Variants in C4orf50 observed in about 807,000 individuals in gnomAD.
C4orf50 encodes the protein uncharacterized protein C4orf50.
A neutral mutation model predicts 77.2 loss-of-function variants in C4orf50; 80 were observed. The ratio of observed to expected loss-of-function variants is 1.04; its 90% confidence interval spans 0.87 to 1.25. The LOEUF (loss-of-function observed/expected upper bound fraction) is 1.25. C4orf50 is among the 50% of genes most tolerant of loss of function. C4orf50 has a pLI of 0.00. For synonymous variants in C4orf50, 532 were observed against 465.3 expected (o/e 1.14, Z -1.84); for missense variants, 1,257 against 1,152.9 (o/e 1.09, Z -1.31).
intron 23 of C4orf50, among the ~76,000 whole-genome samples, chr4:6,016,871 A>T (rs1284807831): frequency 6.6e-6 from 1 of 152,240 alleles, no homozygotes; most frequent in Non-Finnish European, 1.5e-5. Flanking sequence ...TTACTAAATC[A>T]AAGGCAAGTA....
chr4:6,003,098 C>T (rs1049470999), intron 25 of C4orf50, among the ~76,000 whole-genome samples: 2 of 152,180 alleles, frequency 1.3e-5, no homozygotes, highest in Non-Finnish European at 2.9e-5. Flanking sequence ...TTGGCCCAGA[C>T]AGCCGTCCCC....
chr4:5,979,071 G>A (rs1177460953), intron 29 of C4orf50, among the ~76,000 whole-genome samples: 2 of 152,262 alleles, frequency 1.3e-5, no homozygotes, highest in East Asian at 3.9e-4. Context: ...AACGAGTTAT[G>A]GGCAAATGAG....
At chr4:5,959,596 G>C (rs759039239) in exon 34 of C4orf50, 56 of 1,614,012 alleles carry the variant, frequency 3.5e-5, no homozygotes, top group Non-Finnish European at 4.3e-5. Context: ...CACGTTCCAG[G>C]ATCAAGCGTG....
At position 5,912,414 on chromosome 4, in the gene C4orf50, G is replaced by A. The variant is rs181229732; in HGVS notation, c.*2475-14226C>T. Among the ~76,000 whole-genome samples, 732 of 152,282 alleles carry A rather than the reference G, an allele frequency of 4.8e-3. 5 individuals carry two copies. Among genetic ancestry groups the A allele is most frequent in the South Asian group, 0.035 (170 of 4,812 alleles). ...GAATGAGGAAAATATTTTTATAACT[G>A]CAGCAGATAGGCCTTTATGAAGAAA... On this transcript the variant is annotated intron_variant, in intron 7 of 7. Transcript: ENST00000324058.
In C4orf50 at chr4:5,900,588, A is replaced by G. The variant is rs1716303066; in HGVS notation, c.*2475-2400T>C. 1 of 152,240 alleles carries G rather than the reference A, an allele frequency of 6.6e-6. No individual in the cohort carries two copies. Among genetic ancestry groups the G allele is most frequent in the East Asian group, 1.9e-4 (1 of 5,198 alleles). 9.4% of individuals were successfully genotyped at this position (152,240 alleles called of 1,614,324 possible). A position where few individuals can be genotyped will look rare whatever the true frequency, so the allele number is the denominator to read the frequency against. On this transcript the variant is annotated intron_variant, in intron 7 of 7. Transcript: ENST00000324058. The surrounding 1 kb of genome is among the most constrained non-coding windows in gnomAD (Gnocchi z 4.3). ...TAGATTGCAACCCAGTAGAAAACTA[A>G]TTGCATCAGACCAAGACCTAAAATT...
In C4orf50 at chr4:6,017,348, A is replaced by G. The variant is rs1722719451; in HGVS notation, c.287+797T>C. On this transcript the variant is annotated intron_variant, in intron 23 of 33. Coordinates refer to ENST00000531445, the Ensembl canonical transcript of C4orf50. The surrounding 1 kb of genome is among the most constrained non-coding windows in gnomAD (Gnocchi z 4.7). The stretch of plus-strand genomic sequence containing the variant: ...GCCACCCAGCGGGAGCTGGGACCGC[A>G]GAGGAAGCCGAGAGCACATCTGAGT... Among the ~76,000 whole-genome samples the G allele has an allele frequency of 6.6e-6, 1 of 152,228 alleles. No individual in the cohort carries two copies. Among genetic ancestry groups the G allele is most frequent in the Non-Finnish European group, 1.5e-5 (1 of 68,052 alleles).
At chr4:5,951,346 T>G (rs1343746906) in intron 7 of C4orf50, among the ~76,000 whole-genome samples, 1 of 140,904 alleles carries the variant, frequency 7.1e-6, no homozygotes, top group African/African-American at 2.7e-5. Flanking sequence ...TGAAGGGGGG[T>G]GGTGGCACAT....
exon 28 of C4orf50, chr4:5,988,654 T>A: frequency 6.5e-7 from 1 of 1,536,116 alleles, no homozygotes; most frequent in Non-Finnish European, 8.7e-7. Context: ...CACCTCTTTG[T>A]CTAGAGCGTG....
chr4:5,973,588 G>A (rs1720057095), intron 31 of C4orf50, 71 bp downstream of exon 9: 1 of 1,299,224 alleles, frequency 7.7e-7, no homozygotes, highest in African/African-American at 1.5e-5. Flanking sequence ...GCTCCAGTCA[G>A]GCAGGGGCAT....
At chr4:5,923,472 GA>G (rs1717376139) in intron 7 of C4orf50, 1 of 152,468 alleles carries the variant, frequency 6.6e-6, no homozygotes, top group Non-Finnish European at 1.5e-5. Context: ...GGCGGCTGGG[GA>G]CAGGTGTGCA....
intron 7 of C4orf50, among the ~76,000 whole-genome samples, chr4:5,921,732 A>G (rs1717283644): frequency 6.6e-6 from 1 of 152,112 alleles, no homozygotes; most frequent in Non-Finnish European, 1.5e-5. Flanking sequence ...TTTGGATTTT[A>G]CCCTGCAGAT....
intron 23 of C4orf50, among the ~76,000 whole-genome samples, chr4:6,012,698 G>A (rs530123641): frequency 1.6e-4 from 25 of 152,308 alleles, no homozygotes; most frequent in Middle Eastern, 3.4e-3. Context: ...CAGACTGGAT[G>A]TGAACCCTGA....
At chr4:5,936,526 C>T (rs1215357930) in intron 7 of C4orf50, among the ~76,000 whole-genome samples, 1 of 134,296 alleles carries the variant, frequency 7.4e-6, no homozygotes, top group African/African-American at 2.9e-5. Context: ...CGCACCACTG[C>T]ACTCCAGCCT....
rs981669510 is a variant in C4orf50, at chr4:5,952,097, A to G, written c.*2474+4804T>C. On this transcript the variant is annotated intron_variant, in intron 7 of 7. Coordinates refer to the C4orf50 transcript ENST00000324058. The surrounding 1 kb of genome is among the most constrained non-coding windows in gnomAD (Gnocchi z 4.4). ...TCATGGAGTCATTCAACAAGCATGT[A>G]TTAAGCCCTGGGAGGAGCCAGGCAC... Among the ~76,000 whole-genome samples, 5 of 152,242 alleles carry G rather than the reference A, an allele frequency of 3.3e-5. No individual in the cohort carries two copies. Among genetic ancestry groups the G allele is most frequent in the Non-Finnish European group, 7.3e-5 (5 of 68,038 alleles).
chr4:5,963,802 A>C (rs777281211), intron 33 of C4orf50, among the ~76,000 whole-genome samples: 3 of 152,242 alleles, frequency 2.0e-5, no homozygotes, highest in Non-Finnish European at 4.4e-5. Flanking sequence ...GGAGGCAGGC[A>C]GCCGCATTTC....
At chr4:5,933,905 A>C (rs966776538) in intron 7 of C4orf50, among the ~76,000 whole-genome samples, 1 of 152,048 alleles carries the variant, frequency 6.6e-6, no homozygotes, top group Non-Finnish European at 1.5e-5. Context: ...GAGTGGGAGG[A>C]GGAGGTCAGG....
At chr4:5,951,131 G>A (rs1718694937) in intron 7 of C4orf50, among the ~76,000 whole-genome samples, 2 of 152,188 alleles carry the variant, frequency 1.3e-5, no homozygotes, top group Non-Finnish European at 1.5e-5. Flanking sequence ...GGGTCCCGTC[G>A]AGAGTCCCCT....
At chr4:5,956,062 T>C (rs1335232481), downstream of C4orf50, among the ~76,000 whole-genome samples, 2 of 152,338 alleles carry the variant, frequency 1.3e-5, no homozygotes, top group East Asian at 3.9e-4. Flanking sequence ...GTCACGCATA[T>C]AACCACGGGG....
chr4:6,007,861 T>A lies in C4orf50; in HGVS notation c.963+135A>T, dbSNP rs907437771. 23 of 397,246 alleles carry A rather than the reference T, an allele frequency of 5.8e-5. No homozygotes were observed. Among genetic ancestry groups the A allele is most frequent in the Non-Finnish European group, 8.4e-5 (19 of 225,938 alleles). The allele number at this position is 397,246 out of a possible 1,614,324, so 24.6% of individuals were successfully genotyped here. A position where few individuals can be genotyped will look rare whatever the true frequency, so the allele number is the denominator to read the frequency against. On this transcript the variant is annotated intron_variant, in intron 25 of 33. Transcript: ENST00000531445. The surrounding 1 kb of genome is among the most constrained non-coding windows in gnomAD (Gnocchi z 4.1). ...GGTGAGTAGATGCAGTGAAGGACGA[T>A]GGACAGGGCTGGCAGGGTTAAACGG...
Sources: allele counts gnomAD v4.1 joint callset (sites outside exome capture counted in the v4.1 genomes callset), GRCh38; gene constraint gnomAD v4.1.1; non-coding constraint Gnocchi (gnomAD v3.1); transcripts MANE v1.5; gene names NCBI Gene and HGNC (gene_info 2026-07-23, HGNC 2026-07-21).